The following MCC variants were observed in gnomAD, a reference collection of about 807,000 sequenced individuals.
The protein encoded by MCC is MCC regulator of Wnt signaling pathway, also known as colorectal mutant cancer protein.
MCC carries 90 observed loss-of-function variants against 116.2 expected under a neutral mutation model. That is an observed-to-expected ratio of 0.77 (90% CI 0.65 to 0.92). MCC has a LOEUF of 0.92. MCC is among the 40% of genes least tolerant of loss of function. The pLI, the probability that MCC is intolerant of heterozygous loss-of-function variation, is 0.00. For synonymous variants in MCC, 578 were observed against 510.5 expected, an observed-to-expected ratio of 1.13 and a Z score of -1.78; for missense variants, 1,516 against 1,312.2, an observed-to-expected ratio of 1.16 and a Z score of -2.40.
At chr5:113,226,137 C>A (rs1763726501) in intron 3 of MCC, among the ~76,000 whole-genome samples, 1 of 152,268 alleles carries the variant, frequency 6.6e-6, no homozygotes, top group African/African-American at 2.4e-5. Context: ...AATTGTGCCA[C>A]CATACTCCAG....
chr5:113,435,567 T>G (rs1367798879), intron 1 of MCC: 1 of 152,298 alleles, frequency 6.6e-6, no homozygotes, highest in African/African-American at 2.4e-5. Flanking sequence ...TCCACACAGG[T>G]GACCCTCAGG....
intron 1 of MCC, among the ~76,000 whole-genome samples, chr5:113,420,648 A>C (rs539364776): frequency 1.3e-5 from 2 of 152,350 alleles, no homozygotes; most frequent in East Asian, 3.9e-4. Flanking sequence ...TGTGCTTATA[A>C]ATAGGAAGAA....
At chr5:113,473,970 T>A (rs1161324763) in intron 1 of MCC, among the ~76,000 whole-genome samples, 1 of 152,206 alleles carries the variant, frequency 6.6e-6, no homozygotes, top group East Asian at 1.9e-4. Context: ...TAGAAAGTGA[T>A]GTGAGACTTA....
chr5:113,354,425 T>C (rs561985201), intron 2 of MCC, among the ~76,000 whole-genome samples: 2 of 128,760 alleles, frequency 1.6e-5, no homozygotes, highest in Non-Finnish European at 3.1e-5. Flanking sequence ...ATCTGAGGGA[T>C]TCTTTTCCTT....
chr5:113,432,194 T>G (rs1360225963), intron 1 of MCC, among the ~76,000 whole-genome samples: 1 of 151,506 alleles, frequency 6.6e-6, no homozygotes, highest in Non-Finnish European at 1.5e-5. Context: ...GGCACGTGCC[T>G]GTAATCCCAG....
intron 2 of MCC, among the ~76,000 whole-genome samples, chr5:113,355,751 G>C (rs1211441003): frequency 1.3e-5 from 2 of 151,916 alleles, no homozygotes; most frequent in African/African-American, 2.4e-5. Flanking sequence ...CCATCATAAG[G>C]CTCCACCCCA....
At chr5:113,418,617 G>GTATGTAAAGCTTT (rs1770223009) in intron 1 of MCC, among the ~76,000 whole-genome samples, 1 of 152,126 alleles carries the variant, frequency 6.6e-6, no homozygotes, top group Non-Finnish European at 1.5e-5. Context: ...AAGAAATACT[G>GTATGTAAAGCTTT]TATGTAAAGC....
chr5:113,376,741 G>T (rs1164667276), intron 2 of MCC, among the ~76,000 whole-genome samples: 1 of 152,102 alleles, frequency 6.6e-6, no homozygotes, highest in African/African-American at 2.4e-5. Context: ...CTTTCTGGTA[G>T]TGACAGCACC....
At chr5:113,073,703 C>G (rs909840161) in intron 11 of MCC, among the ~76,000 whole-genome samples, 1 of 149,972 alleles carries the variant, frequency 6.7e-6, no homozygotes, top group Non-Finnish European at 1.5e-5. Flanking sequence ...AGCCTCCCAT[C>G]TTCAGATGCC....
At chr5:113,186,595 C>T (rs1230151546) in intron 3 of MCC, among the ~76,000 whole-genome samples, 1 of 152,168 alleles carries the variant, frequency 6.6e-6, no homozygotes, top group East Asian at 1.9e-4. Context: ...TACAGCAGCA[C>T]TTGATGTAAA....
At chr5:113,244,333 A>G (rs1764492826) in intron 3 of MCC, among the ~76,000 whole-genome samples, 1 of 152,246 alleles carries the variant, frequency 6.6e-6, no homozygotes, top group Non-Finnish European at 1.5e-5. Context: ...TAGGTTTACA[A>G]CTTAAAGCCT....
At position 113,450,775 on chromosome 5, in the gene MCC, C is replaced by T. The variant is rs534927012; in HGVS notation, c.170+37470G>A. Among the ~76,000 whole-genome samples, 9 of 152,320 alleles carry T rather than the reference C, an allele frequency of 5.9e-5. No individual in the cohort carries two copies. In the South Asian group the frequency reaches 1.9e-3, roughly 32 times the overall value. On this transcript the variant is annotated intron_variant, in intron 1 of 18. Transcript: ENST00000408903. ...GTGTCACTCTCCAGAGGGAACAGTT[C>T]TGTTAATGCACCATCAGCATCTTCA...
intron 1 of MCC, among the ~76,000 whole-genome samples, chr5:113,451,904 G>A (rs1390533825): frequency 6.6e-6 from 1 of 152,210 alleles, no homozygotes; most frequent in Non-Finnish European, 1.5e-5. Context: ...GGCTGGGTTA[G>A]CTGAGCAGTC....
chr5:113,102,806 T>C (rs996511024), intron 7 of MCC, among the ~76,000 whole-genome samples: 3 of 151,266 alleles, frequency 2.0e-5, no homozygotes, highest in Non-Finnish European at 2.9e-5. Flanking sequence ...TAGAAGGCAG[T>C]GAAGAGATGG....
chr5:113,162,135 T>C (rs1458486466), intron 3 of MCC, among the ~76,000 whole-genome samples: 1 of 152,230 alleles, frequency 6.6e-6, no homozygotes, highest in Non-Finnish European at 1.5e-5. Flanking sequence ...CTTTTAGGTC[T>C]GAATCTTCTT....
In MCC at chr5:113,354,644, A is replaced by T. The variant is rs186470055; in HGVS notation, c.416-13914T>A. Among the ~76,000 whole-genome samples the T allele has an allele frequency of 2.5e-4, 38 of 152,028 alleles. 1 individual carries two copies. The highest frequency in any genetic ancestry group is 9.2e-4 in the Admixed American group (14 of 15,294). On this transcript the variant is annotated intron_variant, in intron 2 of 18. Coordinates refer to ENST00000408903, the MANE Select transcript of MCC (RefSeq NM_001085377.2). ...GAGACGGGGTTTCACCATGTTGACC[A>T]GGCTGGTCTTGAACTCCTGACCTCA...
intron 2 of MCC, among the ~76,000 whole-genome samples, chr5:113,379,531 G>A (rs1373473102): frequency 6.6e-6 from 1 of 152,114 alleles, no homozygotes; most frequent in Non-Finnish European, 1.5e-5. Flanking sequence ...AAGTTCCATG[G>A]CAACTCAGTG....
chr5:113,474,241 C>A (rs1338837647), intron 1 of MCC, among the ~76,000 whole-genome samples: 3 of 152,132 alleles, frequency 2.0e-5, no homozygotes, highest in African/African-American at 7.2e-5. Context: ...GAAATGAAAA[C>A]TATGAGAATA....
chr5:113,457,320 C>T (rs2150423380), intron 1 of MCC, among the ~76,000 whole-genome samples: 1 of 152,342 alleles, frequency 6.6e-6, no homozygotes, highest in East Asian at 1.9e-4. Flanking sequence ...ACTGGGTCCC[C>T]CAGCAGTGCC....
Sources: gnomAD v4.1 joint callset for allele counts (sites outside exome capture counted in the v4.1 genomes callset) on GRCh38, gnomAD v4.1.1 for gene constraint, MANE v1.5 for transcripts, NCBI Gene and HGNC (gene_info 2026-07-23, HGNC 2026-07-21) for gene names.